KLHL3: variants seen among roughly 807,000 people sequenced by gnomAD.
KLHL3 encodes kelch like family member 3.
A neutral mutation model predicts 70.5 loss-of-function variants in KLHL3; 19 were observed. That is an observed-to-expected ratio of 0.27 (90% confidence interval 0.19 to 0.40). The LOEUF is 0.40. Among genes scored for constraint, KLHL3 ranks in the 10% least tolerant of loss-of-function variants. KLHL3 has a pLI of 1.00. For missense variants in KLHL3, 512 were observed against 771.1 expected (o/e 0.66, Z 3.98); for synonymous variants, 258 against 290.3 (o/e 0.89, Z 1.13).
intron 14 of KLHL3, among the ~76,000 whole-genome samples, chr5:137,623,832 A>G (rs1010880977): frequency 6.6e-6 from 1 of 152,238 alleles, no homozygotes; most frequent in African/African-American, 2.4e-5. Context: ...GGGGTTCAGT[A>G]TGATAGAATA....
In KLHL3 at chr5:137,628,397, C is replaced by T. The variant is rs1402670866; in HGVS notation, c.1491G>A (p.Gly497=). Residue 497 remains glycine (G), a synonymous_variant, in exon 13 of 15, where the codon GGG becomes GGA. Coordinates refer to ENST00000309755, the MANE Select transcript of KLHL3 (RefSeq NM_017415.3). Reference sequence around the variant, plus strand: ...TCTTCCTCACCAAAGGCCCATCATGCCCACCTGTGGCGTACAGCTGTCCGC... The same window carrying T: ...TCTTCCTCACCAAAGGCCCATCATGTCCACCTGTGGCGTACAGCTGTCCGC... ...VLSGQLYATG[G]HDGPLVRKSV... The T allele has an allele frequency of 6.2e-7, 1 of 1,614,208 alleles. No homozygotes were observed. Among genetic ancestry groups the T allele is most frequent in the Admixed American group, 1.7e-5 (1 of 60,034 alleles).
At chr5:137,693,300 A>G (rs1388096303) in intron 4 of KLHL3, among the ~76,000 whole-genome samples, 3 of 152,222 alleles carry the variant, frequency 2.0e-5, no homozygotes, top group East Asian at 3.8e-4. Flanking sequence ...AAGGAGAGCT[A>G]AGTTTCCATT....
chr5:137,691,560 G>T (rs1752321791), intron 5 of KLHL3, among the ~76,000 whole-genome samples: 1 of 151,960 alleles, frequency 6.6e-6, no homozygotes, highest in South Asian at 2.1e-4. Context: ...GACTCAGTGT[G>T]GAAAGGTGGA....
At chr5:137,676,206 TG>T (rs1313174462) in intron 6 of KLHL3, among the ~76,000 whole-genome samples, 1 of 152,204 alleles carries the variant, frequency 6.6e-6, no homozygotes, top group Non-Finnish European at 1.5e-5. Flanking sequence ...TTTTAAGAAA[TG>T]TTTTTCTTCT....
Position 137,677,452 on chromosome 5 carries a change from A to T in KLHL3, c.636+93T>A, listed in dbSNP as rs1363654036. The T allele has an allele frequency of 5.3e-6, 4 of 758,484 alleles. No homozygotes were observed. The African/African-American group carries it at 5.4e-5, about 10-fold the overall frequency. The allele number at this position is 758,484 out of a possible 1,614,324, so 47.0% of individuals were successfully genotyped here. A position where few individuals can be genotyped will look rare whatever the true frequency, so the allele number is the denominator to read the frequency against. On this transcript the variant is annotated intron_variant, in intron 6 of 14. Coordinates refer to ENST00000309755, the MANE Select transcript of KLHL3 (RefSeq NM_017415.3). ...GACAGAGCAAGACTCCATCTCAAAA[A>T]AAAAGAAAAGAAAAGATCTCACCAA...
intron 2 of KLHL3, among the ~76,000 whole-genome samples, chr5:137,713,875 G>T (rs369970862): frequency 6.6e-6 from 1 of 151,992 alleles, no homozygotes; most frequent in Non-Finnish European, 1.5e-5. Context: ...ATGAACAAGA[G>T]ATTTTTTTTA....
intron 6 of KLHL3, among the ~76,000 whole-genome samples, chr5:137,671,611 G>A (rs144356943): frequency 5.3e-4 from 81 of 152,206 alleles, no homozygotes; most frequent in African/African-American, 1.9e-3. Context: ...TAGTTTCTTC[G>A]TCTGCAAAAT....
chr5:137,628,492 C>A (rs374521775), intron 12 of KLHL3, 55 bp from the exon 13 acceptor site: 40 of 1,603,928 alleles, frequency 2.5e-5, no homozygotes, highest in Middle Eastern at 1.7e-4. Context: ...AACCAGAAAT[C>A]AGGAGGCCTG....
At chr5:137,727,823 C>T (rs1479284806) in intron 1 of KLHL3, among the ~76,000 whole-genome samples, 1 of 152,178 alleles carries the variant, frequency 6.6e-6, no homozygotes, top group Non-Finnish European at 1.5e-5. Flanking sequence ...TATCTGTCTG[C>T]CCCACACAGT....
At chr5:137,660,451 G>T (rs1372225597) in intron 7 of KLHL3, among the ~76,000 whole-genome samples, 1 of 152,166 alleles carries the variant, frequency 6.6e-6, no homozygotes, top group East Asian at 1.9e-4. Flanking sequence ...ACTGACACTG[G>T]ATGCTCAGGC....
At chr5:137,703,859 A>G (rs1752620944) in intron 3 of KLHL3, among the ~76,000 whole-genome samples, 1 of 149,776 alleles carries the variant, frequency 6.7e-6, no homozygotes. Context: ...CCTCTGTGTC[A>G]TTACATAGTG....
intron 4 of KLHL3, among the ~76,000 whole-genome samples, chr5:137,695,654 A>G (rs1228134712): frequency 6.6e-6 from 1 of 152,152 alleles, no homozygotes; most frequent in South Asian, 2.1e-4. Context: ...AGAGCAATAC[A>G]TCCATGAAAT....
intron 5 of KLHL3, among the ~76,000 whole-genome samples, chr5:137,678,727 TCATA>T (rs1751948724): frequency 1.3e-5 from 2 of 152,280 alleles, no homozygotes; most frequent in Non-Finnish European, 2.9e-5. Context: ...CAAATAATTC[TCATA>T]CAAATTTCTA....
Position 137,717,126 on chromosome 5 carries a change from T to C in KLHL3, c.134+3339A>G, listed in dbSNP as rs111839374. Among the ~76,000 whole-genome samples, 8 of 152,350 alleles carry C rather than the reference T, an allele frequency of 5.3e-5. 1 individual carries two copies. The highest frequency in any genetic ancestry group is 1.9e-4 in the African/African-American group (8 of 41,594). ...AGTGTGCCTGCCTGCCCCAGGTCCA[T>C]CTTGTCCCTTGGTGAGACCCCTATG... On this transcript the variant is annotated intron_variant, in intron 2 of 14. Coordinates refer to ENST00000309755, the MANE Select transcript of KLHL3 (RefSeq NM_017415.3).
intron 8 of KLHL3, among the ~76,000 whole-genome samples, chr5:137,641,702 C>T (rs1466231583): frequency 6.6e-6 from 1 of 152,128 alleles, no homozygotes; most frequent in East Asian, 1.9e-4. Flanking sequence ...CCCAATATTC[C>T]AGAACAGGCT....
At chr5:137,693,770 T>C (rs2149918828) in intron 4 of KLHL3, among the ~76,000 whole-genome samples, 1 of 152,202 alleles carries the variant, frequency 6.6e-6, no homozygotes, top group South Asian at 2.1e-4. Context: ...CCAGCTACAC[T>C]CTAGCTGTTC....
chr5:137,683,823 T>C (rs1241746496), intron 5 of KLHL3, among the ~76,000 whole-genome samples: 3 of 148,408 alleles, frequency 2.0e-5, no homozygotes, highest in Non-Finnish European at 4.5e-5. Context: ...CACACACACA[T>C]ACACACAGCC....
intron 8 of KLHL3, among the ~76,000 whole-genome samples, chr5:137,643,354 CAA>C (rs11323248): frequency 0.26 from 31,500 of 122,482 alleles, 3,830 homozygotes; most frequent in Middle Eastern, 0.38. Context: ...GACCCTGTCT[CAA>C]AAAAAAAAAA....
chr5:137,654,145 A>G (rs985620370), intron 8 of KLHL3, among the ~76,000 whole-genome samples: 3 of 152,234 alleles, frequency 2.0e-5, no homozygotes, highest in Non-Finnish European at 4.4e-5. Flanking sequence ...TGTAGTGATT[A>G]AAATATTCTA....
Sources: allele counts gnomAD v4.1 joint callset (sites outside exome capture counted in the v4.1 genomes callset), GRCh38; gene constraint gnomAD v4.1.1; transcripts MANE v1.5; gene names NCBI Gene and HGNC (gene_info 2026-07-23, HGNC 2026-07-21).